The following HOXC4 variants were observed in gnomAD, a reference collection of about 807,000 sequenced individuals.
HOXC4 encodes the protein homeobox C4.
A neutral mutation model predicts 25.5 loss-of-function variants in HOXC4; 15 were observed. That is an observed-to-expected ratio of 0.59 (90% CI 0.39 to 0.91). The LOEUF is 0.91. Ranked by LOEUF, HOXC4 falls within the 40% of genes least tolerant of loss-of-function variation. The probability of loss-of-function intolerance (pLI) is 0.00; values close to 1 mark genes in which losing one functional copy is unlikely to be tolerated. For synonymous variants in HOXC4, 165 were observed against 148.0 expected, an observed-to-expected ratio of 1.11 and a Z score of -0.83; for missense variants, 342 against 352.4, an observed-to-expected ratio of 0.97 and a Z score of 0.24.
intron 1 of HOXC4, among the ~76,000 whole-genome samples, chr12:54,047,524 C>A (rs1014763122): frequency 4.6e-5 from 7 of 152,224 alleles, no homozygotes; most frequent in African/African-American, 1.4e-4. Context: ...ACAAAAGGAG[C>A]CGAAAGATTT....
chr12:54,044,955 C>T (rs1937669125), intron 1 of HOXC4, among the ~76,000 whole-genome samples: 1 of 152,160 alleles, frequency 6.6e-6, no homozygotes, highest in Admixed American at 6.5e-5. Context: ...CAGATCAGGT[C>T]AGGAAGCTTT....
intron 1 of HOXC4, chr12:54,020,733 G>A (rs1203738471): frequency 6.6e-6 from 1 of 152,216 alleles, no homozygotes; most frequent in Non-Finnish European, 1.5e-5. Context: ...CACTGAGCAG[G>A]CCCTCTGTGC....
Position 54,054,040 on chromosome 12 carries a change from A to G in HOXC4, c.118A>G (p.Thr40Ala), listed in dbSNP as rs1565754536. 1 of 1,613,418 alleles carries G rather than the reference A, an allele frequency of 6.2e-7. No homozygotes were observed. The highest frequency in any genetic ancestry group is 8.5e-7 in the Non-Finnish European group (1 of 1,179,390). The change falls in exon 1 of 2, where the codon ACC becomes GCC. Residue 40 changes from threonine to alanine, a missense_variant. By Grantham distance (58) the Thr-to-Ala change is moderately conservative. Transcript: ENST00000430889. ...PEHSPEYYGR[T>A]RESGFQHHHQ... ...ACACAGTCCGGAATATTACGGCCGGACCAGGGAATCGGGATTCCAGCATCA... is the reference window on the plus strand; with the variant it reads ...ACACAGTCCGGAATATTACGGCCGGGCCAGGGAATCGGGATTCCAGCATCA...
intron 1 of HOXC4, among the ~76,000 whole-genome samples, chr12:54,025,674 G>T (rs563996173): frequency 6.6e-6 from 1 of 151,830 alleles, no homozygotes; most frequent in Non-Finnish European, 1.5e-5. Context: ...ATTATAAATC[G>T]GCGAGACCTT....
At chr12:54,030,204 A>T in intron 1 of HOXC4, 1 of 433,582 alleles carries the variant, frequency 2.3e-6, no homozygotes, top group East Asian at 3.7e-5. Context: ...CGGCTTGTCT[A>T]CAGGCCCTTT....
chr12:54,038,774 A>G (rs746833216), intron 1 of HOXC4, among the ~76,000 whole-genome samples: 17 of 152,016 alleles, frequency 1.1e-4, no homozygotes, highest in Non-Finnish European at 2.4e-4. Flanking sequence ...CTGTGAGTGG[A>G]GTGTAATTGT....
intron 1 of HOXC4, among the ~76,000 whole-genome samples, chr12:54,047,224 G>T (rs909027621): frequency 2.6e-5 from 4 of 152,264 alleles, no homozygotes; most frequent in Non-Finnish European, 4.4e-5. Context: ...GGACCGCGGA[G>T]AGCCCAGCTT....
In HOXC4 at chr12:54,019,495, C is replaced by T. The variant is rs551884357; in HGVS notation, c.-124+2081C>T. 4.6e-5 allele frequency among the ~76,000 whole-genome samples: 7 copies of T among 152,220 alleles called. No homozygotes were observed. In the East Asian group the frequency reaches 1.4e-3, roughly 30 times the overall value. On this transcript the variant is annotated intron_variant, in intron 1 of 3. Coordinates refer to the HOXC4 transcript ENST00000303406. Reference sequence around the variant, plus strand: ...TCTCCTGGAGTAATGTGGGAATCGCCGACCGGTGAGGCCTCTATTTCTCTC... The same window carrying T: ...TCTCCTGGAGTAATGTGGGAATCGCTGACCGGTGAGGCCTCTATTTCTCTC...
upstream of HOXC4, among the ~76,000 whole-genome samples, chr12:54,052,305 G>A (rs1463427419): frequency 2.0e-5 from 3 of 152,204 alleles, no homozygotes; most frequent in Non-Finnish European, 4.4e-5. Flanking sequence ...AAGCTGTAGC[G>A]ACGAGGCAAG....
chr12:54,044,771 T>A (rs952516031), intron 1 of HOXC4, among the ~76,000 whole-genome samples: 3 of 152,082 alleles, frequency 2.0e-5, no homozygotes, highest in African/African-American at 4.8e-5. Flanking sequence ...CACATCTCTA[T>A]GTACCAAACA....
chr12:54,024,420 CGAGGGTTGGT>C (rs1555184717), intron 1 of HOXC4, among the ~76,000 whole-genome samples: 1 of 152,086 alleles, frequency 6.6e-6, no homozygotes, highest in Non-Finnish European at 1.5e-5. Flanking sequence ...TATCTGTGTG[CGAGGGTTGGT>C]GAGTTACAAA....
At chr12:54,033,070 C>T (rs1941046668) in intron 1 of HOXC4, 2 of 1,467,306 alleles carry the variant, frequency 1.4e-6, no homozygotes, top group Non-Finnish European at 1.9e-6. Context: ...CAAAGAGTCA[C>T]AAATCACCCT....
chr12:54,027,098 G>A (rs1940751977), intron 1 of HOXC4, among the ~76,000 whole-genome samples: 1 of 152,186 alleles, frequency 6.6e-6, no homozygotes, highest in African/African-American at 2.4e-5. Flanking sequence ...ACCCCCATCT[G>A]CACACTTTCC....
At chr12:54,018,798 T>G (rs901319672) in intron 1 of HOXC4, among the ~76,000 whole-genome samples, 3 of 152,044 alleles carry the variant, frequency 2.0e-5, no homozygotes, top group Admixed American at 6.5e-5. Flanking sequence ...CGAGAGAACC[T>G]GGGGGCCAGA....
Position 54,054,999 on chromosome 12 carries a change from G to C in HOXC4, c.589G>C (p.Glu197Gln). 3.7e-6 allele frequency: 6 copies of C among 1,614,076 alleles called. No homozygotes were observed. The highest frequency in any genetic ancestry group is 5.1e-6 in the Non-Finnish European group (6 of 1,180,020). The change falls in exon 2 of 2, where the codon GAG (glutamate) becomes CAG (glutamine). Residue 197 changes from glutamate to glutamine, a missense_variant. Coordinates refer to ENST00000430889, the MANE Select transcript of HOXC4 (RefSeq NM_153633.3). ...GATCGCCCACTCGCTGTGCCTCTCT[G>C]AGAGGCAGATCAAAATCTGGTTCCA... ...IEIAHSLCLS[E>Q]RQIKIWFQNR... is the part of the protein sequence containing the mutation.
rs756734202 is a variant in HOXC4, at chr12:54,054,088, C to T, written c.166C>T (p.Pro56Ser). Residue 56 changes from proline (P) to serine (S), a missense_variant, in exon 1 of 2, where the codon CCG (proline) becomes TCG (serine). Physicochemically the swap from Pro to Ser is moderately conservative, Grantham distance 74 (BLOSUM62 -1). Coordinates refer to ENST00000430889, the MANE Select transcript of HOXC4 (RefSeq NM_153633.3). ...QHHHQELYPP[P>S]PPRPSYPERQ... ...TCACCACCAGGAGCTGTACCCACCA[C>T]CGCCTCCGCGCCCTAGCTACCCTGA... 7.4e-6 allele frequency: 12 copies of T among 1,614,132 alleles called. No individual in the cohort carries two copies. The highest frequency in any genetic ancestry group is 3.3e-4 in the Middle Eastern group (2 of 6,084).
At chr12:54,033,709 C>T in intron 1 of HOXC4, 3 of 771,566 alleles carry the variant, frequency 3.9e-6, no homozygotes, top group East Asian at 2.7e-5. Context: ...AAACTGTCCA[C>T]TAAAAGGCTT....
intron 1 of HOXC4, among the ~76,000 whole-genome samples, chr12:54,025,566 G>T (rs756483096): frequency 1.3e-5 from 2 of 150,766 alleles, no homozygotes; most frequent in African/African-American, 2.4e-5. Context: ...TTTGCCAAAG[G>T]TCTTTAAGCA....
In HOXC4 at chr12:54,046,171, G is replaced by A. The variant is rs951435083; in HGVS notation, c.-123-6989G>A. 1.2e-4 allele frequency among the ~76,000 whole-genome samples: 18 copies of A among 152,170 alleles called. No individual in the cohort carries two copies. The East Asian group carries it at 2.1e-3, about 18-fold the overall frequency. ...AGGTTCCTCCTCCCCAGTTGTTCTC[G>A]GTGCCCAGGGCCCAATTAAGCGGCC... On this transcript the variant is annotated intron_variant, in intron 1 of 3. Transcript: ENST00000303406.
Sources: allele counts gnomAD v4.1 joint callset (sites outside exome capture counted in the v4.1 genomes callset), GRCh38; gene constraint gnomAD v4.1.1; transcripts MANE v1.5; gene names NCBI Gene and HGNC (gene_info 2026-07-23, HGNC 2026-07-21).